OPRM1: variants seen among roughly 807,000 people sequenced by gnomAD.
OPRM1 encodes the protein opioid receptor mu 1.
A neutral mutation model predicts 31.8 loss-of-function variants in OPRM1; 27 were observed. The ratio of observed to expected loss-of-function variants is 0.85; its 90% confidence interval spans 0.63 to 1.17. The LOEUF (loss-of-function observed/expected upper bound fraction) is 1.17, where lower values mean the gene tolerates loss of function less well. Among genes scored for constraint, OPRM1 ranks in the 50% most tolerant of loss-of-function variants. The pLI, the probability that OPRM1 is intolerant of heterozygous loss-of-function variation, is 0.00. For synonymous variants in OPRM1, 196 were observed against 189.9 expected, an observed-to-expected ratio of 1.03 and a Z score of -0.26; for missense variants, 536 against 511.1, an observed-to-expected ratio of 1.05 and a Z score of -0.47.
At chr6:154,144,184 T>A (rs1405965232) in intron 3 of OPRM1, among the ~76,000 whole-genome samples, 1 of 152,122 alleles carries the variant, frequency 6.6e-6, no homozygotes, top group Admixed American at 6.5e-5. Context: ...TATTTTAAAA[T>A]TCTCAAAAAA....
intron 3 of OPRM1, among the ~76,000 whole-genome samples, chr6:154,190,050 C>A (rs1275932561): frequency 6.6e-6 from 1 of 152,018 alleles, no homozygotes; most frequent in Non-Finnish European, 1.5e-5. Flanking sequence ...ATCTTGTAGA[C>A]AATAATGTAT....
In OPRM1 at chr6:154,016,117, GAC is replaced by G. The variant is rs568851284; in HGVS notation, c.-1+5103_-1+5104del. Among the ~76,000 whole-genome samples, 307 of 152,104 alleles carry G rather than the reference GAC, an allele frequency of 2.0e-3. 2 individuals carry two copies. The highest frequency in any genetic ancestry group is 3.6e-3 in the Non-Finnish European group (246 of 67,990). On this transcript the variant is annotated intron_variant, in intron 1 of 5. Coordinates refer to the OPRM1 transcript ENST00000434900. Reference sequence around the variant, plus strand: ...ATTAACTCTAGGAATCTACCTCAAAGACACAGTGGCAAAAATCCAAAATGCAC... The same window carrying G: ...ATTAACTCTAGGAATCTACCTCAAAGACAGTGGCAAAAATCCAAAATGCAC...
At chr6:154,114,229 G>A (rs1796626857) in intron 3 of OPRM1, among the ~76,000 whole-genome samples, 1 of 152,174 alleles carries the variant, frequency 6.6e-6, no homozygotes, top group African/African-American at 2.4e-5. Flanking sequence ...GAGAGCCATA[G>A]AGCAAAGAAT....
intron 3 of OPRM1, among the ~76,000 whole-genome samples, chr6:154,195,853 G>A (rs571129579): frequency 6.7e-6 from 1 of 149,562 alleles, no homozygotes; most frequent in African/African-American, 2.5e-5. Flanking sequence ...GTGCAGTGGT[G>A]CAATCTCGGC....
At chr6:154,241,234 CA>C (rs11308882) in intron 3 of OPRM1, among the ~76,000 whole-genome samples, 33,579 of 79,132 alleles carry the variant, frequency 0.42, 3,604 homozygotes, top group Middle Eastern at 0.53. Context: ...GACTCCATCT[CA>C]AAAAAAAAAA....
intron 3 of OPRM1, among the ~76,000 whole-genome samples, chr6:154,202,373 A>G (rs1266526207): frequency 1.3e-5 from 2 of 152,172 alleles, no homozygotes; most frequent in African/African-American, 4.8e-5. Flanking sequence ...TATCTAGAGG[A>G]GGGAATGCAC....
chr6:154,132,627 C>A (rs1267942270), downstream of OPRM1, among the ~76,000 whole-genome samples: 2 of 152,174 alleles, frequency 1.3e-5, no homozygotes, highest in East Asian at 3.8e-4. Context: ...AAAATATCCA[C>A]TGTAAAGTCT....
In OPRM1 at chr6:154,142,823, A is replaced by G. The variant is rs576231100; in HGVS notation, c.1164+51351A>G. 2.0e-5 allele frequency among the ~76,000 whole-genome samples: 3 copies of G among 152,270 alleles called. No homozygotes were observed. In the East Asian group the frequency reaches 5.8e-4, roughly 29 times the overall value. ...CGGATTCCCCTCCACTAGCTCGGAT[A>G]CCTTCCACTGCTCACACTTGGCCTT... On this transcript the variant is annotated intron_variant, in intron 3 of 3. Coordinates refer to the OPRM1 transcript ENST00000337049.
At position 154,089,927 on chromosome 6, in the gene OPRM1, T is replaced by C. The variant is rs1411786454; in HGVS notation, c.392T>C (p.Leu131Pro). The C allele has an allele frequency of 1.2e-6, 2 of 1,613,946 alleles. No individual in the cohort carries two copies. Among genetic ancestry groups the C allele is most frequent in the East Asian group, 4.5e-5 (2 of 44,880 alleles). The change falls in exon 2 of 4, where the codon CTA (leucine) becomes CCA (proline). Residue 131 changes from leucine to proline, a missense_variant. Leu to Pro is a moderately conservative substitution (Grantham distance 98). Coordinates refer to ENST00000330432, the MANE Select transcript of OPRM1 (RefSeq NM_000914.5). ...CTGCCCTTCCAGAGTGTGAATTACC[T>C]AATGGGAACATGGCCATTTGGAACC... is the stretch of plus-strand genomic sequence containing the variant. The part of the protein sequence containing the change: ...STLPFQSVNY[L>P]MGTWPFGTIL...
intron 1 of OPRM1, 135 bp from the exon 2 acceptor site, chr6:154,089,690 TG>T (rs1409047819): frequency 6.4e-6 from 4 of 627,962 alleles, no homozygotes; most frequent in Non-Finnish European, 1.1e-5. Context: ...ATAGCCAAGC[TG>T]ATACTGGAAA....
At chr6:154,020,327 A>G (rs1778290088) in intron 1 of OPRM1, among the ~76,000 whole-genome samples, 1 of 152,160 alleles carries the variant, frequency 6.6e-6, no homozygotes, top group African/African-American at 2.4e-5. Context: ...GAAATTGTCA[A>G]ACTGTTTTCT....
intron 3 of OPRM1, among the ~76,000 whole-genome samples, chr6:154,173,835 C>G (rs1190423403): frequency 6.6e-6 from 1 of 152,146 alleles, no homozygotes; most frequent in Non-Finnish European, 1.5e-5. Flanking sequence ...CACAAAGATA[C>G]TCCTTGAGAA....
At chr6:154,075,572 C>T (rs1207607381) in intron 1 of OPRM1, among the ~76,000 whole-genome samples, 1 of 151,992 alleles carries the variant, frequency 6.6e-6, no homozygotes, top group African/African-American at 2.4e-5. Flanking sequence ...CTGCCTCAGC[C>T]TCCCGAAGAG....
rs1797312959 is a variant in OPRM1 at position 154,121,805 on chromosome 6, A to G, written c.*3084A>G. 1.3e-5 allele frequency among the ~76,000 whole-genome samples: 2 copies of G among 152,212 alleles called. No individual in the cohort carries two copies. Among genetic ancestry groups the G allele is most frequent in the South Asian group, 4.1e-4 (2 of 4,836 alleles). On this transcript the variant is annotated 3_prime_UTR_variant, in exon 4 of 4. Coordinates refer to ENST00000330432, the MANE Select transcript of OPRM1 (RefSeq NM_000914.5). The stretch of plus-strand genomic sequence containing the variant: ...CGACCACATTTATCAAAAAGTCCCC[A>G]AAGCATTCAAAATCTTTACTTAAGT...
At chr6:154,032,258 A>G (rs1402222748) in intron 1 of OPRM1, among the ~76,000 whole-genome samples, 1 of 152,228 alleles carries the variant, frequency 6.6e-6, no homozygotes, top group Non-Finnish European at 1.5e-5. Context: ...TAAGTGCTTT[A>G]TTAACGAAGC....
chr6:154,110,770 C>A (rs895821872), intron 3 of OPRM1, among the ~76,000 whole-genome samples: 1 of 151,340 alleles, frequency 6.6e-6, no homozygotes, highest in African/African-American at 2.4e-5. Flanking sequence ...ACCTGTAGTC[C>A]CAGCTACTCG....
At chr6:154,052,210 G>T (rs1235830025) in intron 1 of OPRM1, among the ~76,000 whole-genome samples, 1 of 151,950 alleles carries the variant, frequency 6.6e-6, no homozygotes, top group Admixed American at 6.6e-5. Flanking sequence ...GGAGCATTAG[G>T]ACAAATAGCT....
chr6:154,191,317 A>G lies in OPRM1; in HGVS notation c.1165-55376A>G, dbSNP rs188977554. On this transcript the variant is annotated intron_variant, in intron 3 of 3. Coordinates refer to the OPRM1 transcript ENST00000337049. ...AAACTAGTCTGTATGATACTGTATTAGTGGATACATGACGTTATACATTTG... is the reference window on the plus strand; with the variant it reads ...AAACTAGTCTGTATGATACTGTATTGGTGGATACATGACGTTATACATTTG... Among the ~76,000 whole-genome samples the G allele has an allele frequency of 1.2e-4, 19 of 152,310 alleles. No individual in the cohort carries two copies. In the East Asian group the frequency reaches 3.5e-3, roughly 28 times the overall value.
chr6:154,074,929 T>C (rs1307734304), intron 1 of OPRM1, among the ~76,000 whole-genome samples: 3 of 151,894 alleles, frequency 2.0e-5, no homozygotes, highest in Admixed American at 1.3e-4. Flanking sequence ...AGAGAGGCAA[T>C]ATTGGAAGAA....
Sources: gnomAD v4.1 joint callset for allele counts (sites outside exome capture counted in the v4.1 genomes callset) on GRCh38, gnomAD v4.1.1 for gene constraint, MANE v1.5 for transcripts, NCBI Gene and HGNC (gene_info 2026-07-23, HGNC 2026-07-21) for gene names.